TMEM192: variants seen among roughly 807,000 people sequenced by gnomAD.
TMEM192 encodes the protein transmembrane protein 192.
A neutral mutation model predicts 26.7 loss-of-function variants in TMEM192; 20 were observed. That is an observed-to-expected ratio of 0.75 (90% CI 0.53 to 1.09). TMEM192 has a LOEUF of 1.09. Ranked by LOEUF, TMEM192 falls within the 50% of genes least tolerant of loss-of-function variation. The pLI, the probability that TMEM192 is intolerant of heterozygous loss-of-function variation, is 0.00. For missense variants in TMEM192, 304 were observed against 322.6 expected (o/e 0.94, Z 0.44); for synonymous variants, 124 against 121.0 (o/e 1.02, Z -0.16).
Position 165,085,695 on chromosome 4 carries a change from T to C in TMEM192, c.575-7A>G. 1 of 1,564,108 alleles carries C rather than the reference T, an allele frequency of 6.4e-7. No individual in the cohort carries two copies. The highest frequency in any genetic ancestry group is 1.2e-5 in the South Asian group (1 of 85,832). On this transcript the variant is annotated splice_region_variant and splice_polypyrimidine_tract_variant and intron_variant, in intron 4 of 5. Transcript: ENST00000306480. ...TTAAATCTCCGGATTTTCACTAAAA[T>C]AATAAAGTCATTATTAGATCGAATT...
chr4:165,098,757 G>T (rs969045371), intron 3 of TMEM192, among the ~76,000 whole-genome samples: 2 of 151,862 alleles, frequency 1.3e-5, no homozygotes, highest in African/African-American at 4.8e-5. Flanking sequence ...GAGTGCAGCG[G>T]CATGACTTCG....
At chr4:165,108,861 TCTC>T (rs779367615) in intron 1 of TMEM192, among the ~76,000 whole-genome samples, 18 of 152,002 alleles carry the variant, frequency 1.2e-4, no homozygotes, top group Non-Finnish European at 2.4e-4. Flanking sequence ...CTCAACTCCA[TCTC>T]CTCAACTCAG....
intron 3 of TMEM192, among the ~76,000 whole-genome samples, chr4:165,092,085 A>G (rs987048453): frequency 3.5e-5 from 5 of 142,600 alleles, no homozygotes; most frequent in Admixed American, 2.8e-4. Context: ...TACCTTTCTC[A>G]CAATGCTGTT....
At chr4:165,090,972 G>A (rs1030116530) in intron 3 of TMEM192, among the ~76,000 whole-genome samples, 12 of 148,990 alleles carry the variant, frequency 8.1e-5, no homozygotes, top group East Asian at 4.0e-4. Flanking sequence ...TCAGAAGTAC[G>A]GGAAGCATAG....
rs576977699 is a variant in TMEM192 at position 165,105,526 on chromosome 4, G to A, written c.28-2430C>T. ...GGAGACTAATAATAGCACCTGCTTC[G>A]TAGCTCTGTCAGGAATACTAAATGA... is the stretch of plus-strand genomic sequence containing the variant. On this transcript the variant is annotated intron_variant, in intron 1 of 5. Transcript: ENST00000306480. Among the ~76,000 whole-genome samples the A allele has an allele frequency of 6.8e-4, 103 of 152,230 alleles. 2 individuals carry two copies. The South Asian group carries it at 0.02, about 30-fold the overall frequency.
chr4:165,098,113 G>A (rs530230058), intron 3 of TMEM192, among the ~76,000 whole-genome samples: 13 of 151,634 alleles, frequency 8.6e-5, no homozygotes, highest in Non-Finnish European at 1.8e-4. Context: ...ACAGGCATGA[G>A]CCACCGTGCC....
At chr4:165,104,183 T>G (rs1305015952) in intron 1 of TMEM192, among the ~76,000 whole-genome samples, 1 of 125,328 alleles carries the variant, frequency 8.0e-6, no homozygotes, top group Non-Finnish European at 1.8e-5. Context: ...AGATCTTAAG[T>G]GTTCTCATCA....
chr4:165,106,734 T>C (rs1735168419), intron 1 of TMEM192, among the ~76,000 whole-genome samples: 1 of 152,234 alleles, frequency 6.6e-6, no homozygotes, highest in Admixed American at 6.5e-5. Context: ...GGCTGCCGAC[T>C]GAAGGCTGCG....
chr4:165,097,704 C>T (rs1389082686), intron 3 of TMEM192, among the ~76,000 whole-genome samples: 1 of 150,660 alleles, frequency 6.6e-6, no homozygotes, highest in Non-Finnish European at 1.5e-5. Context: ...GCCTCAAACT[C>T]CTGGGCTCAA....
chr4:165,093,090 T>A, intron 3 of TMEM192, among the ~76,000 whole-genome samples: 1 of 121,744 alleles, frequency 8.2e-6, no homozygotes. Context: ...TATGGTTTTT[T>A]TTTCTTCTTT....
chr4:165,091,620 T>C (rs1734766347), intron 3 of TMEM192, among the ~76,000 whole-genome samples: 1 of 152,146 alleles, frequency 6.6e-6, no homozygotes, highest in Admixed American at 6.5e-5. Context: ...CTATTTATTC[T>C]TAGCAGCAAA....
chr4:165,089,674 T>G (rs1351850757), intron 3 of TMEM192, among the ~76,000 whole-genome samples: 5 of 151,980 alleles, frequency 3.3e-5, no homozygotes, highest in African/African-American at 1.2e-4. Flanking sequence ...AGGAGTCTAG[T>G]TTCTATGGCC....
intron 1 of TMEM192, among the ~76,000 whole-genome samples, chr4:165,103,616 G>A (rs1340076022): frequency 1.0e-5 from 1 of 98,608 alleles, no homozygotes; most frequent in East Asian, 2.8e-4. Context: ...CCGGGTTCCA[G>A]CAATTCTCCT....
At chr4:165,112,619 C>A in intron 1 of TMEM192, 128 bp downstream of exon 1, 1 of 1,382,788 alleles carries the variant, frequency 7.2e-7, no homozygotes, top group Non-Finnish European at 9.9e-7. Context: ...CGGGCACAGG[C>A]GGCGCCCCCT....
Position 165,079,781 on chromosome 4 carries a change from T to C in TMEM192, c.693A>G (p.Leu231=), listed in dbSNP as rs771664264. 6.2e-7 allele frequency: 1 copy of C among 1,613,904 alleles called. No homozygotes were observed. The highest frequency in any genetic ancestry group is 1.7e-5 in the Admixed American group (1 of 59,942). Residue 231 remains leucine (L), a synonymous_variant, in exon 6 of 6, where the codon CTA becomes CTG. Transcript: ENST00000306480. ...SETGFRTISS[L]EEIVEKQGDT... is the part of the protein sequence containing the mutation. ...CTCCTTGCTTTTCAACAATTTCTTC[T>C]AGGCTTGAAATAGTTCTGCAAGTAA...
intron 3 of TMEM192, among the ~76,000 whole-genome samples, chr4:165,092,109 G>GTTTTT (rs1395846037): frequency 1.4e-5 from 1 of 73,416 alleles, no homozygotes; most frequent in African/African-American, 5.4e-5. Flanking sequence ...TCTTAATGCT[G>GTTTTT]TTCTTTTTTT....
chr4:165,090,195 G>C (rs1050112820), intron 3 of TMEM192, among the ~76,000 whole-genome samples: 5 of 129,054 alleles, frequency 3.9e-5, no homozygotes, highest in Non-Finnish European at 7.9e-5. Context: ...TGGGCAACAA[G>C]AGCGAAACTC....
intron 3 of TMEM192, among the ~76,000 whole-genome samples, chr4:165,088,960 G>C (rs1159808851): frequency 1.4e-5 from 2 of 138,484 alleles, no homozygotes; most frequent in Admixed American, 1.6e-4. Flanking sequence ...AGGATTGCTT[G>C]AGCCTGGGAG....
intron 1 of TMEM192, among the ~76,000 whole-genome samples, chr4:165,108,639 T>C (rs1270319594): frequency 6.6e-6 from 1 of 152,196 alleles, no homozygotes; most frequent in Non-Finnish European, 1.5e-5. Flanking sequence ...CTTGGCCCTG[T>C]ATGGAGAAAC....
Sources: gnomAD v4.1 joint callset for allele counts (sites outside exome capture counted in the v4.1 genomes callset) on GRCh38, gnomAD v4.1.1 for gene constraint, MANE v1.5 for transcripts, NCBI Gene and HGNC (gene_info 2026-07-23, HGNC 2026-07-21) for gene names.